PLCB4: variants seen among roughly 807,000 people sequenced by gnomAD.
PLCB4 encodes the protein 1-phosphatidylinositol 4,5-bisphosphate phosphodiesterase beta-4.
Under a neutral mutation model 178.8 loss-of-function variants are expected in PLCB4, and 77 were observed. The observed-to-expected ratio is 0.43, with a 90% confidence interval of 0.36 to 0.52. The LOEUF is 0.52. Ranked by LOEUF, PLCB4 falls within the 20% of genes least tolerant of loss-of-function variation. PLCB4 has a pLI of 0.00. For synonymous variants in PLCB4, 496 were observed against 490.8 expected (o/e 1.01, Z -0.14); for missense variants, 1,024 against 1,453.4 (o/e 0.70, Z 4.80).
At position 9,270,778 on chromosome 20, in the gene PLCB4, C is replaced by T. The variant is rs540900012; in HGVS notation, c.-15-37022C>T. On this transcript the variant is annotated intron_variant, in intron 3 of 39. Coordinates refer to ENST00000378473, the MANE Select transcript of PLCB4 (RefSeq NM_001377142.1). ...TCTAATATATAGATCAAGTATGCTA[C>T]CTAGAATGTACCAAGTGCCCATTTA... 7.9e-5 allele frequency among the ~76,000 whole-genome samples: 12 copies of T among 151,954 alleles called. No individual in the cohort carries two copies. In the South Asian group the frequency reaches 2.5e-3, roughly 32 times the overall value.
At chr20:9,269,807 G>C (rs779090122) in intron 3 of PLCB4, among the ~76,000 whole-genome samples, 2 of 152,188 alleles carry the variant, frequency 1.3e-5, no homozygotes, top group Admixed American at 6.6e-5. Flanking sequence ...GGACTTTTGA[G>C]TTCAAGAGCA....
chr20:9,444,116 T>C, intron 31 of PLCB4, 62 bp from the exon 32 acceptor site: 3 of 1,445,230 alleles, frequency 2.1e-6, no homozygotes, highest in Non-Finnish European at 2.9e-6. Flanking sequence ...CCAAGTGTAA[T>C]CATTGTGATT....
intron 1 of PLCB4, among the ~76,000 whole-genome samples, chr20:9,081,252 A>G (rs910941400): frequency 2.6e-5 from 4 of 152,198 alleles, no homozygotes; most frequent in African/African-American, 9.7e-5. Flanking sequence ...CACAAAACAA[A>G]TCTTATTATA....
chr20:9,468,567 A>G lies in PLCB4; in HGVS notation c.3249-4A>G. The G allele has an allele frequency of 6.3e-7, 1 of 1,579,636 alleles. No homozygotes were observed. The highest frequency in any genetic ancestry group is 8.7e-7 in the Non-Finnish European group (1 of 1,148,952). ...CTGTTTGTTTTCTTGTTTTTAATACATAGGGAAAGCAAGGAAATGCGAGCA... is the reference window on the plus strand; with the variant it reads ...CTGTTTGTTTTCTTGTTTTTAATACGTAGGGAAAGCAAGGAAATGCGAGCA... On this transcript the variant is annotated splice_region_variant and splice_polypyrimidine_tract_variant and intron_variant, in intron 35 of 39. Transcript: ENST00000378473.
intron 28 of PLCB4, among the ~76,000 whole-genome samples, 160 bp from the exon 29 acceptor site, chr20:9,435,400 A>G (rs1273558590): frequency 6.6e-6 from 1 of 152,262 alleles, no homozygotes; most frequent in East Asian, 1.9e-4. Flanking sequence ...TGTTTTCTGC[A>G]ACTAGCTGTG....
chr20:9,298,382 G>A (rs1014539076), intron 3 of PLCB4, among the ~76,000 whole-genome samples: 6 of 151,964 alleles, frequency 3.9e-5, no homozygotes, highest in African/African-American at 1.5e-4. Flanking sequence ...CCTGTCTTTT[G>A]TTATAGAGGG....
At chr20:9,242,360 G>A (rs1056049015) in intron 3 of PLCB4, among the ~76,000 whole-genome samples, 4 of 152,282 alleles carry the variant, frequency 2.6e-5, no homozygotes, top group African/African-American at 9.6e-5. Flanking sequence ...AGGGGATTTG[G>A]GATAGAAAAC....
At chr20:9,106,601 G>A (rs1047313858) in intron 2 of PLCB4, among the ~76,000 whole-genome samples, 3 of 151,756 alleles carry the variant, frequency 2.0e-5, no homozygotes, top group Admixed American at 6.6e-5. Flanking sequence ...CTCAAAGTGC[G>A]TTAAATATTT....
chr20:9,408,129 C>A, intron 22 of PLCB4, 71 bp downstream of exon 22: 1 of 1,313,904 alleles, frequency 7.6e-7, no homozygotes, highest in African/African-American at 1.5e-5. Flanking sequence ...GAGCTTTTAT[C>A]TAATTTGTTG....
intron 4 of PLCB4, among the ~76,000 whole-genome samples, chr20:9,315,028 T>C (rs2094883218): frequency 1.3e-5 from 2 of 152,246 alleles, no homozygotes; most frequent in East Asian, 3.9e-4. Flanking sequence ...TGTGCCACCA[T>C]GCCCGGCTAA....
chr20:9,471,296 A>G (rs1478353324), intron 36 of PLCB4, among the ~76,000 whole-genome samples: 1 of 152,208 alleles, frequency 6.6e-6, no homozygotes, highest in African/African-American at 2.4e-5. Context: ...ATAAATTTAA[A>G]AAGCAAAAAA....
At chr20:9,103,448 T>A (rs1254729724) in intron 2 of PLCB4, among the ~76,000 whole-genome samples, 2 of 152,216 alleles carry the variant, frequency 1.3e-5, no homozygotes, top group East Asian at 3.8e-4. Flanking sequence ...CCATTTAATA[T>A]TTTTGCAAAT....
chr20:9,178,706 G>C (rs2093195510), intron 2 of PLCB4, among the ~76,000 whole-genome samples: 1 of 151,514 alleles, frequency 6.6e-6, no homozygotes, highest in South Asian at 2.1e-4. Flanking sequence ...TTCACCCTTA[G>C]GGGCTAAATT....
chr20:9,407,967 T>C lies in PLCB4; in HGVS notation c.1698T>C (p.Tyr566=). 1 of 1,612,962 alleles carries C rather than the reference T, an allele frequency of 6.2e-7. No individual in the cohort carries two copies. The part of the protein sequence containing the change: ...DEQAWMASYK[Y]VGATTNIHPY... The stretch of plus-strand genomic sequence containing the variant: ...AGGCGTGGATGGCATCTTATAAATA[T>C]GTAGGTGCTACCACTAATATCCATC... The change falls in exon 22 of 40, where the codon TAT becomes TAC. Residue 566 remains tyrosine, a synonymous_variant. Transcript: ENST00000378473.
intron 4 of PLCB4, among the ~76,000 whole-genome samples, chr20:9,322,277 A>AG (rs1180889663): frequency 6.6e-6 from 1 of 151,736 alleles, no homozygotes; most frequent in Non-Finnish European, 1.5e-5. Context: ...TTAATTTTTG[A>AG]GGGGGGAGAA....
intron 3 of PLCB4, among the ~76,000 whole-genome samples, chr20:9,237,105 T>C (rs2094001767): frequency 6.6e-6 from 1 of 152,234 alleles, no homozygotes; most frequent in Non-Finnish European, 1.5e-5. Flanking sequence ...TTCTGTATTA[T>C]ACTTTATTTT....
intron 30 of PLCB4, among the ~76,000 whole-genome samples, chr20:9,441,745 C>T (rs555250078): frequency 3.3e-5 from 5 of 152,176 alleles, no homozygotes; most frequent in East Asian, 3.9e-4. Flanking sequence ...GGCATTCAGA[C>T]GCTGGCAATT....
chr20:9,391,725 T>G (rs1173321295), intron 17 of PLCB4, among the ~76,000 whole-genome samples: 8 of 152,188 alleles, frequency 5.3e-5, no homozygotes, highest in South Asian at 2.1e-4. Flanking sequence ...GCTTTTTGCC[T>G]GAGAGTGAGC....
chr20:9,165,835 T>TGTG (rs1485620022), intron 2 of PLCB4, among the ~76,000 whole-genome samples: 1 of 122,700 alleles, frequency 8.1e-6, no homozygotes, highest in Non-Finnish European at 1.7e-5. Flanking sequence ...GTGTGTGTGT[T>TGTG]ACCATGTTAA....
Sources: gnomAD v4.1 joint callset for allele counts (sites outside exome capture counted in the v4.1 genomes callset) on GRCh38, gnomAD v4.1.1 for gene constraint, MANE v1.5 for transcripts, NCBI Gene and HGNC (gene_info 2026-07-23, HGNC 2026-07-21) for gene names.